The following AUH variants were observed in gnomAD, a reference collection of about 807,000 sequenced individuals.
The protein encoded by AUH is methylglutaconyl-CoA hydratase, mitochondrial.
AUH carries 29 observed loss-of-function variants against 42.3 expected under a neutral mutation model. That is an observed-to-expected ratio of 0.69 (90% confidence interval 0.51 to 0.93). The LOEUF is 0.93. Among genes scored for constraint, AUH ranks in the 40% least tolerant of loss-of-function variants. The probability of loss-of-function intolerance (pLI) is 0.00; values close to 1 mark genes in which losing one functional copy is unlikely to be tolerated. For missense variants in AUH, 452 were observed against 438.1 expected (o/e 1.03, Z -0.28); for synonymous variants, 174 against 166.4 (o/e 1.05, Z -0.35).
At chr9:91,252,356 T>TG (rs1303366263) in intron 6 of AUH, among the ~76,000 whole-genome samples, 2 of 150,078 alleles carry the variant, frequency 1.3e-5, no homozygotes, top group Admixed American at 6.6e-5. Flanking sequence ...TATGATGCCT[T>TG]GGAAAAAAAG....
At chr9:91,349,031 T>C (rs1831748491) in intron 3 of AUH, among the ~76,000 whole-genome samples, 1 of 152,178 alleles carries the variant, frequency 6.6e-6, no homozygotes, top group African/African-American at 2.4e-5. Flanking sequence ...ACGTTACTTA[T>C]CAAACTCTCT....
chr9:91,267,640 T>C (rs1182630412), intron 6 of AUH, among the ~76,000 whole-genome samples: 1 of 152,138 alleles, frequency 6.6e-6, no homozygotes, highest in African/African-American at 2.4e-5. Context: ...TGGTTGCAAC[T>C]GAAGAGGTAA....
At chr9:91,270,432 TGTTC>T (rs1229172494) in intron 6 of AUH, among the ~76,000 whole-genome samples, 1 of 152,108 alleles carries the variant, frequency 6.6e-6, no homozygotes, top group Non-Finnish European at 1.5e-5. Context: ...GAAACTGGGG[TGTTC>T]TCAGGAAGGA....
intron 4 of AUH, among the ~76,000 whole-genome samples, chr9:91,298,735 G>A (rs1436635612): frequency 6.6e-6 from 1 of 152,178 alleles, no homozygotes; most frequent in Non-Finnish European, 1.5e-5. Flanking sequence ...CTTGAATCCA[G>A]AAATTGAGTA....
intron 6 of AUH, among the ~76,000 whole-genome samples, chr9:91,276,384 C>G (rs189030410): frequency 4.1e-5 from 6 of 147,832 alleles, no homozygotes; most frequent in African/African-American, 1.5e-4. Flanking sequence ...TGAGCTGAGA[C>G]TGCAGATGAC....
At chr9:91,275,302 T>C (rs1825453532) in intron 6 of AUH, among the ~76,000 whole-genome samples, 1 of 152,192 alleles carries the variant, frequency 6.6e-6, no homozygotes, top group African/African-American at 2.4e-5. Flanking sequence ...CAGGTGAGGT[T>C]AGTGGTTTTG....
intron 5 of AUH, among the ~76,000 whole-genome samples, chr9:91,296,922 C>G (rs1330344745): frequency 6.6e-6 from 1 of 152,166 alleles, no homozygotes; most frequent in African/African-American, 2.4e-5. Flanking sequence ...AACTCCTGGC[C>G]TCAATCAATC....
chr9:91,222,143 G>A (rs1251442639), intron 6 of AUH, among the ~76,000 whole-genome samples: 2 of 151,706 alleles, frequency 1.3e-5, no homozygotes, highest in African/African-American at 4.9e-5. Flanking sequence ...AACTAGATGA[G>A]TGATTTTATC....
chr9:91,243,567 A>C (rs1351552971), intron 6 of AUH, among the ~76,000 whole-genome samples: 1 of 152,132 alleles, frequency 6.6e-6, no homozygotes, highest in Admixed American at 6.5e-5. Flanking sequence ...GGCCCACCTC[A>C]ATCTTATCTT....
At chr9:91,220,277 C>A (rs1273335513) in intron 7 of AUH, among the ~76,000 whole-genome samples, 1 of 152,196 alleles carries the variant, frequency 6.6e-6, no homozygotes, top group Non-Finnish European at 1.5e-5. Flanking sequence ...ACGCCTACAC[C>A]ACCATAGGCA....
intron 6 of AUH, among the ~76,000 whole-genome samples, chr9:91,242,580 G>A (rs535883079): frequency 4.3e-4 from 65 of 152,288 alleles, no homozygotes; most frequent in African/African-American, 1.4e-3. Flanking sequence ...GCCAACCACA[G>A]TCAGAAGTGA....
At chr9:91,284,491 C>T (rs935367872) in intron 6 of AUH, among the ~76,000 whole-genome samples, 1 of 152,132 alleles carries the variant, frequency 6.6e-6, no homozygotes, top group African/African-American at 2.4e-5. Context: ...AGAGCTTCTG[C>T]ACAGCAAAAG....
chr9:91,258,864 A>G (rs778150378), intron 6 of AUH, among the ~76,000 whole-genome samples: 29 of 152,248 alleles, frequency 1.9e-4, no homozygotes, highest in Non-Finnish European at 3.4e-4. Flanking sequence ...TGATTTATAA[A>G]TGAGATAAAT....
At chr9:91,311,150 T>C (rs1828672386) in intron 4 of AUH, among the ~76,000 whole-genome samples, 1 of 152,142 alleles carries the variant, frequency 6.6e-6, no homozygotes, top group Non-Finnish European at 1.5e-5. Flanking sequence ...GCTTTTTTCA[T>C]AGAAAAATGA....
At chr9:91,257,406 T>A (rs1005737134) in intron 6 of AUH, among the ~76,000 whole-genome samples, 1 of 152,006 alleles carries the variant, frequency 6.6e-6, no homozygotes, top group Non-Finnish European at 1.5e-5. Flanking sequence ...AATGGACACA[T>A]GCCACCCAGA....
chr9:91,277,469 C>T (rs1825635804), intron 6 of AUH, among the ~76,000 whole-genome samples: 2 of 151,462 alleles, frequency 1.3e-5, no homozygotes, highest in South Asian at 2.1e-4. Context: ...TATGGTAAAA[C>T]AGAAGTTTTT....
At chr9:91,252,370 A>C (rs1233573616) in intron 6 of AUH, among the ~76,000 whole-genome samples, 1 of 152,126 alleles carries the variant, frequency 6.6e-6, no homozygotes, top group African/African-American at 2.4e-5. Context: ...AAAAAAGCAT[A>C]AAACAGCAGC....
chr9:91,287,921 T>C (rs1417842853), intron 6 of AUH, among the ~76,000 whole-genome samples: 4 of 152,100 alleles, frequency 2.6e-5, no homozygotes, highest in Non-Finnish European at 4.4e-5. Context: ...TTGAAATGTT[T>C]CTATGAGAAA....
At chr9:91,310,272 C>T (rs1001667890) in intron 4 of AUH, among the ~76,000 whole-genome samples, 1 of 152,150 alleles carries the variant, frequency 6.6e-6, no homozygotes, top group Non-Finnish European at 1.5e-5. Flanking sequence ...CAAACTCAGG[C>T]AAGTTGAGCA....
Sources: allele counts gnomAD v4.1 joint callset (sites outside exome capture counted in the v4.1 genomes callset), GRCh38; gene constraint gnomAD v4.1.1; transcripts MANE v1.5; gene names NCBI Gene and HGNC (gene_info 2026-07-23, HGNC 2026-07-21).